ADAMTS3: variants seen among roughly 807,000 people sequenced by gnomAD.
The protein encoded by ADAMTS3 is ADAM metallopeptidase with thrombospondin type 1 motif 3.
Under a neutral mutation model 129.0 loss-of-function variants are expected in ADAMTS3, and 73 were observed. That is an observed-to-expected ratio of 0.57 (90% confidence interval 0.47 to 0.69). The LOEUF (loss-of-function observed/expected upper bound fraction) is 0.69. ADAMTS3 is among the 30% of genes least tolerant of loss of function. ADAMTS3 has a pLI of 0.00. For missense variants in ADAMTS3, 1,457 were observed against 1,514.5 expected, an observed-to-expected ratio of 0.96 and a Z score of 0.63; for synonymous variants, 477 against 510.8, an observed-to-expected ratio of 0.93 and a Z score of 0.89.
intron 3 of ADAMTS3, among the ~76,000 whole-genome samples, chr4:72,465,422 G>T (rs1040651465): frequency 2.6e-5 from 4 of 152,020 alleles, no homozygotes; most frequent in Admixed American, 2.0e-4. Flanking sequence ...CCTTGCAGAT[G>T]ATGGTACAAA....
intron 3 of ADAMTS3, among the ~76,000 whole-genome samples, chr4:72,453,818 G>A (rs909156878): frequency 6.6e-6 from 1 of 151,088 alleles, no homozygotes; most frequent in Admixed American, 6.6e-5. Flanking sequence ...TTTAAGTAAG[G>A]TGCCAACTGA....
rs1250302737 is a variant in ADAMTS3 at position 72,555,999 on chromosome 4, T to A, written c.98-7115A>T. ...TATGGAACTGTGATTCAATTAAACCTCTTTTCTTCAAAAATTACTCAGTCT... is the reference window on the plus strand; with the variant it reads ...TATGGAACTGTGATTCAATTAAACCACTTTTCTTCAAAAATTACTCAGTCT... On this transcript the variant is annotated intron_variant, in intron 2 of 21. Coordinates refer to ENST00000286657, the MANE Select transcript of ADAMTS3 (RefSeq NM_014243.3). Among the ~76,000 whole-genome samples the A allele has an allele frequency of 4.6e-5, 7 of 151,744 alleles. No homozygotes were observed. In the East Asian group the frequency reaches 1.3e-3, roughly 29 times the overall value.
chr4:72,455,169 A>G (rs1718510137), intron 3 of ADAMTS3, among the ~76,000 whole-genome samples: 1 of 151,744 alleles, frequency 6.6e-6, no homozygotes, highest in African/African-American at 2.4e-5. Context: ...CAAAAATGAT[A>G]TTTCAAAATC....
chr4:72,551,370 C>A (rs757329748), intron 2 of ADAMTS3, among the ~76,000 whole-genome samples: 3 of 152,058 alleles, frequency 2.0e-5, no homozygotes, highest in Non-Finnish European at 4.4e-5. Context: ...CATTTTTATA[C>A]TGTCAGGTAT....
chr4:72,377,363 T>C (rs894846542), intron 4 of ADAMTS3, among the ~76,000 whole-genome samples: 2 of 152,068 alleles, frequency 1.3e-5, no homozygotes, highest in African/African-American at 4.8e-5. Context: ...TCCGTGTAAA[T>C]GAATATAAGA....
At position 72,313,812 on chromosome 4, in the gene ADAMTS3, T is replaced by C; in HGVS notation, c.1610A>G (p.Lys537Arg). Residue 537 changes from lysine to arginine, a missense_variant, in exon 12 of 22, where the codon AAG becomes AGG. Physicochemically the swap from Lys to Arg is conservative, Grantham distance 26. Coordinates refer to ENST00000286657, the MANE Select transcript of ADAMTS3 (RefSeq NM_014243.3). ...AGCATTCTTCCACATGCAATGACCCTTATAGCACCACTTAGAAAAATGACA... is the reference window on the plus strand; with the variant it reads ...AGCATTCTTCCACATGCAATGACCCCTATAGCACCACTTAGAAAAATGACA... ...TECAAGKWCY[K>R]GHCMWKNANQ... is the part of the protein sequence containing the mutation. 1 of 1,613,712 alleles carries C rather than the reference T, an allele frequency of 6.2e-7. No individual in the cohort carries two copies. Among genetic ancestry groups the C allele is most frequent in the Non-Finnish European group, 8.5e-7 (1 of 1,179,756 alleles).
chr4:72,498,032 T>G (rs1719913311), intron 3 of ADAMTS3, among the ~76,000 whole-genome samples: 1 of 152,044 alleles, frequency 6.6e-6, no homozygotes, highest in Admixed American at 6.6e-5. Context: ...ATTCTCTCTT[T>G]GTACATGCAG....
chr4:72,484,835 G>C (rs183323257), intron 3 of ADAMTS3, among the ~76,000 whole-genome samples: 73 of 152,186 alleles, frequency 4.8e-4, no homozygotes, highest in African/African-American at 1.6e-3. Flanking sequence ...GATCACTCTT[G>C]GGAATAGATT....
At chr4:72,517,574 T>C (rs11724994) in intron 3 of ADAMTS3, among the ~76,000 whole-genome samples, 51,657 of 151,984 alleles carry the variant, frequency 0.34, 9,541 homozygotes, top group South Asian at 0.55. Context: ...GGAGGGTGTA[T>C]GTGTCAAGGA....
chr4:72,375,588 T>C (rs2109872359), intron 4 of ADAMTS3, among the ~76,000 whole-genome samples: 1 of 152,202 alleles, frequency 6.6e-6, no homozygotes, highest in Middle Eastern at 3.4e-3. Context: ...TCTAAGGAAG[T>C]GACATCAGCC....
chr4:72,493,918 T>TA (rs917658154), intron 3 of ADAMTS3, among the ~76,000 whole-genome samples: 10 of 151,112 alleles, frequency 6.6e-5, no homozygotes, highest in South Asian at 4.2e-4. Context: ...CCTGGACAGC[T>TA]AAAAAAAAAT....
Position 72,281,562 on chromosome 4 carries a change from G to C in ADAMTS3, c.*1574C>G, listed in dbSNP as rs1718342679. 2.0e-5 allele frequency: 3 copies of C among 152,118 alleles called. No individual in the cohort carries two copies. Among genetic ancestry groups the C allele is most frequent in the African/African-American group, 7.2e-5 (3 of 41,426 alleles). 9.4% of individuals were successfully genotyped at this position (152,118 alleles called of 1,614,324 possible). A position where few individuals can be genotyped will look rare whatever the true frequency, so the allele number is the denominator to read the frequency against. On this transcript the variant is annotated 3_prime_UTR_variant, in exon 22 of 22. Coordinates refer to ENST00000286657, the MANE Select transcript of ADAMTS3 (RefSeq NM_014243.3). ...TTCTAATTCACAATTTCATTGAACAGCTAGCTGAGTCCATACAATTTAATG... is the reference window on the plus strand; with the variant it reads ...TTCTAATTCACAATTTCATTGAACACCTAGCTGAGTCCATACAATTTAATG...
chr4:72,470,596 G>C (rs1719047109), intron 3 of ADAMTS3, among the ~76,000 whole-genome samples: 1 of 151,726 alleles, frequency 6.6e-6, no homozygotes, highest in African/African-American at 2.4e-5. Context: ...AGACACCTAA[G>C]ACCCATTCTC....
At chr4:72,476,292 C>G (rs2109999394) in intron 3 of ADAMTS3, among the ~76,000 whole-genome samples, 1 of 151,926 alleles carries the variant, frequency 6.6e-6, no homozygotes, top group South Asian at 2.1e-4. Flanking sequence ...TAGATTCATT[C>G]AAGATCCTAA....
chr4:72,393,924 C>A (rs139695382), intron 4 of ADAMTS3, among the ~76,000 whole-genome samples: 1 of 152,274 alleles, frequency 6.6e-6, no homozygotes, highest in African/African-American at 2.4e-5. Context: ...ACAAGCTGTA[C>A]TCATGCAAAG....
chr4:72,326,472 T>C (rs1719701973), intron 5 of ADAMTS3, among the ~76,000 whole-genome samples: 1 of 152,094 alleles, frequency 6.6e-6, no homozygotes, highest in Non-Finnish European at 1.5e-5. Flanking sequence ...ACCATATTAT[T>C]AGATATTCAA....
intron 3 of ADAMTS3, among the ~76,000 whole-genome samples, chr4:72,491,156 T>C (rs1719732230): frequency 6.6e-6 from 1 of 151,896 alleles, no homozygotes; most frequent in Non-Finnish European, 1.5e-5. Flanking sequence ...TTGATTTTGT[T>C]CTGTTGATTT....
intron 4 of ADAMTS3, among the ~76,000 whole-genome samples, chr4:72,367,849 C>CAA (rs35388186): frequency 8.0e-6 from 1 of 125,686 alleles, no homozygotes. Flanking sequence ...GACTCTGTGT[C>CAA]AAAAAAAAAA....
intron 4 of ADAMTS3, among the ~76,000 whole-genome samples, chr4:72,403,272 A>G (rs1048504796): frequency 2.6e-5 from 4 of 152,108 alleles, no homozygotes; most frequent in Admixed American, 6.6e-5. Flanking sequence ...AAAAGTAAGT[A>G]TATGGCTTCA....
Sources: gnomAD v4.1 joint callset for allele counts (sites outside exome capture counted in the v4.1 genomes callset) on GRCh38, gnomAD v4.1.1 for gene constraint, MANE v1.5 for transcripts, NCBI Gene and HGNC (gene_info 2026-07-23, HGNC 2026-07-21) for gene names.